RUNDC3B: variants seen among roughly 807,000 people sequenced by gnomAD.
RUNDC3B encodes the protein RUN domain containing 3B.
RUNDC3B carries 33 observed loss-of-function variants against 58.4 expected under a neutral mutation model. The ratio of observed to expected loss-of-function variants is 0.56; its 90% CI spans 0.43 to 0.75. The LOEUF (loss-of-function observed/expected upper bound fraction) is 0.75. Among genes scored for constraint, RUNDC3B ranks in the 30% least tolerant of loss-of-function variants. The pLI, the probability that RUNDC3B is intolerant of heterozygous loss-of-function variation, is 0.00. For missense variants in RUNDC3B, 501 were observed against 535.7 expected (o/e 0.94, Z 0.64); for synonymous variants, 193 against 195.2 (o/e 0.99, Z 0.10).
intron 3 of RUNDC3B, among the ~76,000 whole-genome samples, chr7:87,701,107 G>A (rs6465118): frequency 0.095 from 14,404 of 152,272 alleles, 818 homozygotes; most frequent in African/African-American, 0.16. Context: ...CATTTCTGCA[G>A]CATACTGAAA....
At chr7:87,763,900 C>T (rs750850099) in intron 6 of RUNDC3B, among the ~76,000 whole-genome samples, 39 of 151,618 alleles carry the variant, frequency 2.6e-4, no homozygotes, top group Non-Finnish European at 4.7e-4. Context: ...GCGTAGATGC[C>T]ATAGTCAGGA....
intron 8 of RUNDC3B, among the ~76,000 whole-genome samples, chr7:87,802,664 T>C (rs1353052926): frequency 6.6e-6 from 1 of 152,206 alleles, no homozygotes; most frequent in Non-Finnish European, 1.5e-5. Flanking sequence ...AAATATCTCA[T>C]GTAACTCATA....
In RUNDC3B at chr7:87,645,961, C is replaced by T. The variant is rs570280548; in HGVS notation, c.123-4861C>T. Among the ~76,000 whole-genome samples, 13 of 152,250 alleles carry T rather than the reference C, an allele frequency of 8.5e-5. No homozygotes were observed. In the South Asian group the frequency reaches 1.5e-3, roughly 17 times the overall value. ...TGGAGAACATTATTTTTCTTCATTA[C>T]TGACTTTGATATAATAGAAATTTTT... is the stretch of plus-strand genomic sequence containing the variant. On this transcript the variant is annotated intron_variant, in intron 1 of 10. Transcript: ENST00000394654.
chr7:87,697,477 A>G (rs540839369), intron 2 of RUNDC3B, among the ~76,000 whole-genome samples: 1 of 152,320 alleles, frequency 6.6e-6, no homozygotes, highest in East Asian at 1.9e-4. Flanking sequence ...ACATTTGAGG[A>G]AGTAACTTTA....
At chr7:87,751,477 G>A (rs1169864323) in intron 6 of RUNDC3B, among the ~76,000 whole-genome samples, 1 of 152,120 alleles carries the variant, frequency 6.6e-6, no homozygotes, top group African/African-American at 2.4e-5. Flanking sequence ...GGGCAATATG[G>A]CCATTTTCAC....
intron 3 of RUNDC3B, among the ~76,000 whole-genome samples, chr7:87,706,019 TC>T (rs1829551724): frequency 6.6e-6 from 1 of 152,226 alleles, no homozygotes; most frequent in African/African-American, 2.4e-5. Context: ...CCCCCCATTT[TC>T]TTTGTTTTTA....
chr7:87,751,020 G>A (rs1329792083), intron 6 of RUNDC3B, among the ~76,000 whole-genome samples: 24 of 152,224 alleles, frequency 1.6e-4, no homozygotes, highest in Middle Eastern at 3.4e-3. Flanking sequence ...TAGGTCTAAC[G>A]TTTAAGTCTT....
chr7:87,666,896 T>C (rs1451183441), intron 2 of RUNDC3B, among the ~76,000 whole-genome samples: 1 of 152,172 alleles, frequency 6.6e-6, no homozygotes, highest in Non-Finnish European at 1.5e-5. Context: ...TGTAGCCTTG[T>C]GGTATAGTTT....
chr7:87,706,263 T>C (rs1174841415), intron 3 of RUNDC3B, among the ~76,000 whole-genome samples: 2 of 152,122 alleles, frequency 1.3e-5, no homozygotes, highest in African/African-American at 4.8e-5. Context: ...TTATTCTCAG[T>C]GCAGTGGGGG....
intron 2 of RUNDC3B, among the ~76,000 whole-genome samples, chr7:87,683,247 C>T (rs1452050692): frequency 6.6e-6 from 1 of 152,128 alleles, no homozygotes; most frequent in African/African-American, 2.4e-5. Flanking sequence ...CTATTCAGAC[C>T]ACTCAAACTT....
At chr7:87,828,779 A>T (rs1837975831) in intron 10 of RUNDC3B, among the ~76,000 whole-genome samples, 1 of 152,206 alleles carries the variant, frequency 6.6e-6, no homozygotes, top group Non-Finnish European at 1.5e-5. Context: ...TTCTGTTTTA[A>T]GTTCTTTGAG....
chr7:87,653,091 T>C (rs1823742624), intron 2 of RUNDC3B, among the ~76,000 whole-genome samples: 1 of 152,042 alleles, frequency 6.6e-6, no homozygotes, highest in Non-Finnish European at 1.5e-5. Context: ...GCTTTTAAAA[T>C]CAGATATATT....
chr7:87,634,492 G>T (rs542316590), intron 1 of RUNDC3B, among the ~76,000 whole-genome samples: 116 of 126,450 alleles, frequency 9.2e-4, no homozygotes, highest in Middle Eastern at 3.8e-3. Context: ...GGTGGTGGGG[G>T]GTGGGGGGGG....
At chr7:87,726,494 G>A (rs927704382) in intron 4 of RUNDC3B, among the ~76,000 whole-genome samples, 2 of 152,288 alleles carry the variant, frequency 1.3e-5, no homozygotes, top group African/African-American at 4.8e-5. Context: ...GGTTACTGTA[G>A]CATTGTAGTA....
chr7:87,651,759 A>G (rs781370688), intron 2 of RUNDC3B, among the ~76,000 whole-genome samples: 94 of 152,260 alleles, frequency 6.2e-4, no homozygotes, highest in Middle Eastern at 3.4e-3. Flanking sequence ...TGATGCTGAA[A>G]GCATCCAGGT....
chr7:87,635,644 A>G (rs753347616), intron 1 of RUNDC3B, among the ~76,000 whole-genome samples: 4 of 152,100 alleles, frequency 2.6e-5, no homozygotes, highest in Non-Finnish European at 5.9e-5. Context: ...TACTTTCCAT[A>G]TAGAAAAGTA....
chr7:87,752,092 T>C (rs1833040460), intron 6 of RUNDC3B, among the ~76,000 whole-genome samples: 1 of 152,232 alleles, frequency 6.6e-6, no homozygotes. Flanking sequence ...GAAGCGTTGT[T>C]GAATTTTGTC....
In RUNDC3B at chr7:87,730,125, G is replaced by A. The variant is rs557626343; in HGVS notation, c.459-9666G>A. ...GGCCTTGAGTGAGACCCAGGGCCAT[G>A]CTGGCTTCAGGAGTGACCCTGCACA... On this transcript the variant is annotated intron_variant, in intron 4 of 10. Coordinates refer to ENST00000394654, the MANE Select transcript of RUNDC3B (RefSeq NM_001134405.2). 8.5e-5 allele frequency among the ~76,000 whole-genome samples: 13 copies of A among 152,304 alleles called. No individual in the cohort carries two copies. The South Asian group carries it at 2.7e-3, about 32-fold the overall frequency.
chr7:87,751,396 G>T (rs891511438), intron 6 of RUNDC3B, among the ~76,000 whole-genome samples: 25 of 152,166 alleles, frequency 1.6e-4, no homozygotes, highest in African/African-American at 6.0e-4. Context: ...CTTTAAAGTA[G>T]TTTTTTCCAA....
Sources: gnomAD v4.1 joint callset for allele counts (sites outside exome capture counted in the v4.1 genomes callset) on GRCh38, gnomAD v4.1.1 for gene constraint, MANE v1.5 for transcripts, NCBI Gene and HGNC (gene_info 2026-07-23, HGNC 2026-07-21) for gene names.